The following PAG1 variants were observed in gnomAD, a reference collection of about 807,000 sequenced individuals.
The protein encoded by PAG1 is phosphoprotein membrane anchor with glycosphingolipid microdomains 1.
In PAG1, 23 loss-of-function variants were observed where a neutral mutation model predicts 31.7. The ratio of observed to expected loss-of-function variants is 0.73; its 90% CI spans 0.52 to 1.03. The LOEUF (loss-of-function observed/expected upper bound fraction) is 1.03, where lower values mean the gene tolerates loss of function less well. Among genes scored for constraint, PAG1 ranks in the 50% least tolerant of loss-of-function variants. PAG1 has a pLI of 0.00. For missense variants in PAG1, 473 were observed against 540.7 expected, an observed-to-expected ratio of 0.87 and a Z score of 1.24; for synonymous variants, 214 against 210.3, an observed-to-expected ratio of 1.02 and a Z score of -0.15.
At chr8:80,995,135 CAA>C (rs1807645764) in intron 3 of PAG1, among the ~76,000 whole-genome samples, 1 of 152,144 alleles carries the variant, frequency 6.6e-6, no homozygotes, top group African/African-American at 2.4e-5. Context: ...TTTGAATATT[CAA>C]AGTTAAAGAA....
intron 3 of PAG1, among the ~76,000 whole-genome samples, chr8:81,004,081 T>A (rs138474312): frequency 3.5e-3 from 530 of 152,288 alleles, no homozygotes; most frequent in Admixed American, 5.0e-3. Context: ...CATATTTACA[T>A]ATTTACAATT....
At chr8:81,085,794 ATGCAAAAC>A (rs1032540748) in intron 1 of PAG1, among the ~76,000 whole-genome samples, 1 of 152,140 alleles carries the variant, frequency 6.6e-6, no homozygotes, top group Non-Finnish European at 1.5e-5. Flanking sequence ...AGTCTTTCAT[ATGCAAAAC>A]TGAATCGTTA....
chr8:81,083,616 T>C (rs1204481403), intron 1 of PAG1, among the ~76,000 whole-genome samples: 1 of 152,202 alleles, frequency 6.6e-6, no homozygotes, highest in African/African-American at 2.4e-5. Context: ...CTAAAAGTTT[T>C]CCATTTTGCT....
chr8:80,995,299 G>A (rs1306418870), intron 3 of PAG1, among the ~76,000 whole-genome samples: 1 of 152,210 alleles, frequency 6.6e-6, no homozygotes, highest in Non-Finnish European at 1.5e-5. Context: ...GCGTAATACA[G>A]AACTTCTTTC....
At chr8:81,024,383 C>T (rs553460937) in intron 3 of PAG1, among the ~76,000 whole-genome samples, 5 of 152,276 alleles carry the variant, frequency 3.3e-5, no homozygotes, top group Admixed American at 2.0e-4. Context: ...CTGACACCCC[C>T]GGGCTCCTGG....
intron 5 of PAG1, among the ~76,000 whole-genome samples, chr8:80,988,555 G>C (rs1367694165): frequency 6.6e-6 from 1 of 151,982 alleles, no homozygotes; most frequent in Non-Finnish European, 1.5e-5. Context: ...CAAACTCCTG[G>C]GCCCAAGAGA....
At chr8:81,066,772 T>C (rs560801313) in intron 2 of PAG1, among the ~76,000 whole-genome samples, 1 of 152,298 alleles carries the variant, frequency 6.6e-6, no homozygotes, top group South Asian at 2.1e-4. Context: ...GAAGCCATGG[T>C]GGCAAAATCT....
intron 1 of PAG1, among the ~76,000 whole-genome samples, chr8:81,108,531 T>C (rs539542262): frequency 1.1e-5 from 1 of 94,766 alleles, no homozygotes; most frequent in East Asian, 1.9e-4. Flanking sequence ...TAAATCAGTC[T>C]GTGATTTAAA....
At chr8:81,062,162 C>A (rs1586196309) in intron 2 of PAG1, among the ~76,000 whole-genome samples, 1 of 152,214 alleles carries the variant, frequency 6.6e-6, no homozygotes, top group African/African-American at 2.4e-5. Flanking sequence ...AGTCACCAGT[C>A]GACATCAATT....
At chr8:80,976,942 C>A in intron 8 of PAG1, 36 bp from the exon 9 acceptor site, 1 of 1,557,414 alleles carries the variant, frequency 6.4e-7, no homozygotes, top group South Asian at 1.2e-5. Context: ...AAACTTCCAG[C>A]TGTGACTTCC....
intron 3 of PAG1, among the ~76,000 whole-genome samples, chr8:80,994,777 C>T (rs1034918227): frequency 2.0e-5 from 3 of 152,216 alleles, no homozygotes; most frequent in African/African-American, 7.2e-5. Flanking sequence ...ATCAAATGAT[C>T]TGTCATCACA....
chr8:80,992,543 ACT>A (rs1404154577), intron 4 of PAG1, among the ~76,000 whole-genome samples: 1 of 152,218 alleles, frequency 6.6e-6, no homozygotes, highest in Non-Finnish European at 1.5e-5. Flanking sequence ...TGTTGGGGGT[ACT>A]GACATTTTAT....
chr8:81,081,290 T>C (rs564633337), intron 1 of PAG1, among the ~76,000 whole-genome samples: 1 of 152,144 alleles, frequency 6.6e-6, no homozygotes, highest in Non-Finnish European at 1.5e-5. Flanking sequence ...GTTCTTTATA[T>C]ATGATATAGC....
chr8:81,026,812 G>C (rs1280614615), intron 3 of PAG1, among the ~76,000 whole-genome samples: 2 of 152,074 alleles, frequency 1.3e-5, no homozygotes, highest in Non-Finnish European at 2.9e-5. Context: ...GAGGGAGCAG[G>C]AGAACCTGGC....
intron 3 of PAG1, among the ~76,000 whole-genome samples, chr8:81,020,431 T>C (rs1808143357): frequency 6.6e-6 from 1 of 152,152 alleles, no homozygotes; most frequent in Non-Finnish European, 1.5e-5. Context: ...GATTGAATCA[T>C]GGGGGCGGGA....
chr8:81,086,858 T>C (rs1809366892), intron 1 of PAG1, among the ~76,000 whole-genome samples: 1 of 152,188 alleles, frequency 6.6e-6, no homozygotes, highest in Non-Finnish European at 1.5e-5. Flanking sequence ...TGGGGTACTC[T>C]CATGTACTGC....
intron 3 of PAG1, among the ~76,000 whole-genome samples, chr8:81,000,505 G>A (rs958542965): frequency 1.3e-5 from 2 of 152,074 alleles, no homozygotes; most frequent in Non-Finnish European, 2.9e-5. Context: ...CTTTAAGGTA[G>A]ATGTTACTGA....
At chr8:81,010,463 AGCATTTT>A (rs1367056481) in intron 3 of PAG1, among the ~76,000 whole-genome samples, 1 of 152,234 alleles carries the variant, frequency 6.6e-6, no homozygotes, top group Non-Finnish European at 1.5e-5. Flanking sequence ...ATTATTTTTA[AGCATTTT>A]CAAATATAAA....
chr8:81,035,844 C>G (rs1808453425), intron 2 of PAG1, among the ~76,000 whole-genome samples: 1 of 151,856 alleles, frequency 6.6e-6, no homozygotes, highest in South Asian at 2.1e-4. Flanking sequence ...GCCTTTTTAA[C>G]AGCTACCCTG....
Sources: allele counts gnomAD v4.1 joint callset (sites outside exome capture counted in the v4.1 genomes callset), GRCh38; gene constraint gnomAD v4.1.1; transcripts MANE v1.5; gene names NCBI Gene and HGNC (gene_info 2026-07-23, HGNC 2026-07-21).